CRAMP1: variants seen among roughly 807,000 people sequenced by gnomAD.
CRAMP1 encodes cramped chromatin regulator 1.
Under a neutral mutation model 115.4 loss-of-function variants are expected in CRAMP1, and 50 were observed. The ratio of observed to expected loss-of-function variants is 0.43; its 90% CI spans 0.35 to 0.55. The LOEUF (loss-of-function observed/expected upper bound fraction) is 0.55, where lower values mean the gene tolerates loss of function less well. Among genes scored for constraint, CRAMP1 ranks in the 20% least tolerant of loss-of-function variants. CRAMP1 has a pLI of 0.01. For missense variants in CRAMP1, 1,679 were observed against 1,721.7 expected (o/e 0.98, Z 0.44); for synonymous variants, 866 against 745.4 (o/e 1.16, Z -2.64).
chr16:1,647,187 C>T, intron 6 of CRAMP1: 1 of 615,358 alleles, frequency 1.6e-6, no homozygotes, highest in South Asian at 1.9e-5. Context: ...AACTGTGAAT[C>T]TTCTTTGGTT....
chr16:1,636,896 C>T (rs1267620006), intron 4 of CRAMP1, among the ~76,000 whole-genome samples: 2 of 152,216 alleles, frequency 1.3e-5, no homozygotes, highest in Admixed American at 6.5e-5. Context: ...AACCCTCCTG[C>T]CCAAATCAGG....
chr16:1,629,529 C>T (rs28501105), intron 3 of CRAMP1, among the ~76,000 whole-genome samples: 1 of 152,184 alleles, frequency 6.6e-6, no homozygotes, highest in East Asian at 1.9e-4. Context: ...ACGGCAGGCG[C>T]GACACAGATG....
At chr16:1,623,406 A>G (rs941293333) in intron 2 of CRAMP1, among the ~76,000 whole-genome samples, 2 of 152,152 alleles carry the variant, frequency 1.3e-5, no homozygotes, top group Admixed American at 1.3e-4. Flanking sequence ...GTTAGCCTTT[A>G]CTGTTTCACT....
Position 1,626,036 on chromosome 16 carries a change from G to C in CRAMP1, c.410G>C (p.Gly137Ala). 1 of 1,551,662 alleles carries C rather than the reference G, an allele frequency of 6.4e-7. No individual in the cohort carries two copies. ...GGGGTTGCCCCTGCTGCCCCTGCAGGGGGCTCGCGCTCCTCCTCCCGGAAC... is the reference window on the plus strand; with the variant it reads ...GGGGTTGCCCCTGCTGCCCCTGCAGCGGGCTCGCGCTCCTCCTCCCGGAAC... ...VSGVAPAAPA[G>A]GSRSSSRNLG... The change falls in exon 3 of 21, where the codon GGG becomes GCG. Residue 137 changes from glycine to alanine, a missense_variant. Physicochemically the swap from Gly to Ala is moderately conservative, Grantham distance 60 (BLOSUM62 0). Around this residue, in one of 8 missense-constraint regions of CRAMP1, gnomAD observed 264 missense variants for 229.7 expected, o/e 1.15. Coordinates refer to ENST00000397412, the MANE Select transcript of CRAMP1 (RefSeq NM_020825.4).
chr16:1,641,445 TG>T (rs1448426276), intron 6 of CRAMP1, among the ~76,000 whole-genome samples: 3 of 152,222 alleles, frequency 2.0e-5, no homozygotes, highest in Non-Finnish European at 1.5e-5. Context: ...CTGGGCGTTG[TG>T]GTCTCGACGC....
intron 20 of CRAMP1, 108 bp from the exon 21 acceptor site, chr16:1,673,772 TC>T: frequency 1.0e-6 from 1 of 997,988 alleles, no homozygotes; most frequent in Non-Finnish European, 1.5e-6. Context: ...TAGCTTAGCT[TC>T]CTGCAGCGGG....
chr16:1,644,592 G>A (rs1349990443), intron 6 of CRAMP1, among the ~76,000 whole-genome samples: 1 of 152,192 alleles, frequency 6.6e-6, no homozygotes, highest in Non-Finnish European at 1.5e-5. Context: ...GTTTAGGGAA[G>A]CGATCAGGGG....
intron 2 of CRAMP1, among the ~76,000 whole-genome samples, chr16:1,618,248 C>T (rs2036437908): frequency 6.6e-6 from 1 of 152,214 alleles, no homozygotes; most frequent in Non-Finnish European, 1.5e-5. Context: ...CGCCATTGCA[C>T]TCCAGCCTGG....
chr16:1,640,317 C>G (rs906027412), intron 5 of CRAMP1, among the ~76,000 whole-genome samples: 9 of 152,118 alleles, frequency 5.9e-5, no homozygotes, highest in African/African-American at 2.2e-4. Context: ...ACATTGACAC[C>G]GTTGTCTGCT....
At chr16:1,654,648 T>A (rs934109337) in intron 8 of CRAMP1, among the ~76,000 whole-genome samples, 10 of 152,174 alleles carry the variant, frequency 6.6e-5, no homozygotes, top group African/African-American at 2.4e-4. Flanking sequence ...CTCACTCCTC[T>A]ATTCTCCATT....
At chr16:1,670,586 C>G in intron 19 of CRAMP1, 78 bp from the exon 20 acceptor site, 5 of 1,525,920 alleles carry the variant, frequency 3.3e-6, no homozygotes, top group East Asian at 2.3e-5. Flanking sequence ...TGGCTGCCCC[C>G]AGCCTCAGGA....
intron 8 of CRAMP1, among the ~76,000 whole-genome samples, chr16:1,654,968 T>C (rs918310873): frequency 6.6e-5 from 10 of 152,394 alleles, no homozygotes; most frequent in Non-Finnish European, 1.0e-4. Context: ...GGAGACCTTT[T>C]GCTGGCAAAG....
At chr16:1,665,194 T>G in intron 14 of CRAMP1, 56 bp downstream of exon 14, 3 of 1,147,716 alleles carry the variant, frequency 2.6e-6, no homozygotes, top group Non-Finnish European at 4.0e-6. Flanking sequence ...CAGGAGGGCC[T>G]TGGCTTTGGA....
At chr16:1,638,477 C>T (rs1292570876) in intron 5 of CRAMP1, among the ~76,000 whole-genome samples, 3 of 152,208 alleles carry the variant, frequency 2.0e-5, no homozygotes, top group Admixed American at 6.5e-5. Context: ...AGGCCTTCCT[C>T]ACGCAGGCCC....
intron 18 of CRAMP1, among the ~76,000 whole-genome samples, chr16:1,668,605 G>T (rs778616495): frequency 6.6e-6 from 1 of 152,216 alleles, no homozygotes. Context: ...GTGGTTTGTT[G>T]TTCACTGGCG....
At chr16:1,647,310 A>G (rs775076388) in intron 6 of CRAMP1, among the ~76,000 whole-genome samples, 5 of 152,234 alleles carry the variant, frequency 3.3e-5, no homozygotes, top group Non-Finnish European at 7.3e-5. Flanking sequence ...TCACGTGCTT[A>G]TTAGATTTAT....
At chr16:1,638,805 T>A (rs12447979) in intron 5 of CRAMP1, among the ~76,000 whole-genome samples, 20,101 of 151,550 alleles carry the variant, frequency 0.13, 1,793 homozygotes, top group African/African-American at 0.22. Flanking sequence ...CCACACTCTG[T>A]CCCCTTGCTG....
intron 19 of CRAMP1, chr16:1,670,444 T>G (rs1596499914): frequency 3.8e-6 from 2 of 522,366 alleles, no homozygotes; most frequent in East Asian, 6.4e-5. Context: ...GTGGGACTCG[T>G]GGAAAACAAG....
chr16:1,667,572 G>A (rs187935544), intron 17 of CRAMP1, among the ~76,000 whole-genome samples, 172 bp downstream of exon 17: 1 of 152,256 alleles, frequency 6.6e-6, no homozygotes, highest in African/African-American at 2.4e-5. Flanking sequence ...AAATGAATAT[G>A]GCTGTCCGCC....
Sources: allele counts gnomAD v4.1 joint callset (sites outside exome capture counted in the v4.1 genomes callset), GRCh38; gene constraint gnomAD v4.1.1; regional missense constraint gnomAD v4.1.1; transcripts MANE v1.5; gene names NCBI Gene and HGNC (gene_info 2026-07-23, HGNC 2026-07-21).